Variants in SNAPC3 observed in about 807,000 individuals in gnomAD.
SNAPC3 encodes snRNA-activating protein complex subunit 3.
Under a neutral mutation model 47.7 loss-of-function variants are expected in SNAPC3, and 56 were observed. The ratio of observed to expected loss-of-function variants is 1.18; its 90% CI spans 0.95 to 1.47. SNAPC3 has a LOEUF of 1.47. Among genes scored for constraint, SNAPC3 ranks in the 40% most tolerant of loss-of-function variants. The pLI, the probability that SNAPC3 is intolerant of heterozygous loss-of-function variation, is 0.00. For missense variants in SNAPC3, 665 were observed against 511.3 expected, an observed-to-expected ratio of 1.30 and a Z score of -2.90; for synonymous variants, 235 against 189.9, an observed-to-expected ratio of 1.24 and a Z score of -1.95.
At chr9:15,432,038 C>G (rs540303124) in intron 2 of SNAPC3, 1 of 152,144 alleles carries the variant, frequency 6.6e-6, no homozygotes, top group East Asian at 1.9e-4. Flanking sequence ...GAAGACAGAA[C>G]TGTTTATAAT....
At chr9:15,424,018 A>G in intron 2 of SNAPC3, 32 bp downstream of exon 2, 1 of 1,250,024 alleles carries the variant, frequency 8.0e-7, no homozygotes, top group Non-Finnish European at 1.1e-6. Flanking sequence ...TGACCTATTT[A>G]TTTAAACATT....
chr9:15,449,290 C>T (rs1022855378), intron 5 of SNAPC3, among the ~76,000 whole-genome samples: 19 of 152,030 alleles, frequency 1.2e-4, no homozygotes, highest in African/African-American at 4.3e-4. Flanking sequence ...ATCTGGGAAT[C>T]GGTCTTACCT....
chr9:15,436,801 T>C (rs1488461746), intron 3 of SNAPC3, among the ~76,000 whole-genome samples: 1 of 150,504 alleles, frequency 6.6e-6, no homozygotes, highest in African/African-American at 2.4e-5. Context: ...TTTATTTAGA[T>C]ATTTAATTTC....
chr9:15,447,395 C>T (rs1325029885), intron 5 of SNAPC3, 151 bp downstream of exon 5: 13 of 700,884 alleles, frequency 1.9e-5, no homozygotes, highest in Admixed American at 1.0e-4. Flanking sequence ...CCTTTATCAC[C>T]GGAACTTTTC....
At chr9:15,437,719 A>G (rs2032962216) in intron 3 of SNAPC3, among the ~76,000 whole-genome samples, 1 of 151,884 alleles carries the variant, frequency 6.6e-6, no homozygotes. Flanking sequence ...GAGGATAAAT[A>G]AATTCCACTT....
intron 2 of SNAPC3, among the ~76,000 whole-genome samples, chr9:15,431,339 A>T (rs1563840392): frequency 6.6e-6 from 1 of 152,182 alleles, no homozygotes; most frequent in African/African-American, 2.4e-5. Flanking sequence ...GCTCTTTCTC[A>T]GCCCTAGGGG....
downstream of SNAPC3, chr9:15,465,599 G>C: frequency 4.6e-6 from 7 of 1,535,914 alleles, no homozygotes; most frequent in Non-Finnish European, 6.2e-6. Context: ...AAGGGGGAAA[G>C]GTACAACTGG....
intron 8 of SNAPC3, among the ~76,000 whole-genome samples, chr9:15,458,636 T>C (rs1028306126): frequency 2.0e-5 from 3 of 152,290 alleles, no homozygotes; most frequent in African/African-American, 2.4e-5. Context: ...ATGTTTAGAT[T>C]ATAAGGCATT....
chr9:15,465,559 C>A, downstream of SNAPC3: 1 of 1,580,740 alleles, frequency 6.3e-7, no homozygotes, highest in Non-Finnish European at 8.7e-7. Flanking sequence ...ATATTTCAGT[C>A]TCTCTCTCTT....
At chr9:15,465,927 C>G (rs530152016), downstream of SNAPC3, 8 of 199,186 alleles carry the variant, frequency 4.0e-5, no homozygotes, top group East Asian at 1.0e-3. Context: ...ATTTCAAAAT[C>G]TTAATAAAAA....
At chr9:15,429,091 C>G (rs2031818856) in intron 2 of SNAPC3, among the ~76,000 whole-genome samples, 1 of 152,096 alleles carries the variant, frequency 6.6e-6, no homozygotes, top group African/African-American at 2.4e-5. Flanking sequence ...ATGAAATCAT[C>G]AAGTCTTCTG....
At chr9:15,450,985 C>T (rs986081537) in intron 5 of SNAPC3, among the ~76,000 whole-genome samples, 6 of 152,090 alleles carry the variant, frequency 3.9e-5, no homozygotes, top group Admixed American at 6.5e-5. Flanking sequence ...AAACATAGCT[C>T]GATGATCATT....
At chr9:15,441,157 T>C (rs1416782346) in intron 3 of SNAPC3, among the ~76,000 whole-genome samples, 1 of 151,186 alleles carries the variant, frequency 6.6e-6, no homozygotes, top group Non-Finnish European at 1.5e-5. Context: ...GGGTACTCAT[T>C]GAGCACATTT....
intron 3 of SNAPC3, among the ~76,000 whole-genome samples, chr9:15,434,796 A>G (rs2032589854): frequency 6.6e-6 from 1 of 152,190 alleles, no homozygotes; most frequent in South Asian, 2.1e-4. Context: ...GCTGAATACT[A>G]TCTATTGTAT....
downstream of SNAPC3, chr9:15,461,853 C>G (rs900620529): frequency 6.6e-6 from 1 of 152,146 alleles, no homozygotes; most frequent in African/African-American, 2.4e-5. Context: ...CACAGATAAT[C>G]AGTATAGAGA....
intron 3 of SNAPC3, among the ~76,000 whole-genome samples, chr9:15,437,114 C>T (rs545274014): frequency 1.6e-4 from 24 of 152,198 alleles, no homozygotes; most frequent in African/African-American, 4.8e-4. Context: ...CGTGAGCCAC[C>T]GTGCCCAGCC....
intron 4 of SNAPC3, among the ~76,000 whole-genome samples, 187 bp downstream of exon 4, chr9:15,444,893 A>T (rs1563848647): frequency 6.6e-6 from 1 of 152,152 alleles, no homozygotes; most frequent in South Asian, 2.1e-4. Context: ...GGAGTTTGAG[A>T]CCAACCTGGG....
At chr9:15,454,211 C>T (rs2034603310) in intron 7 of SNAPC3, among the ~76,000 whole-genome samples, 1 of 148,542 alleles carries the variant, frequency 6.7e-6, no homozygotes, top group South Asian at 2.1e-4. Context: ...GCCTGGGTGA[C>T]AGAGTGAGAC....
At chr9:15,463,207 G>A (rs1372639326), downstream of SNAPC3, 1 of 138,468 alleles carries the variant, frequency 7.2e-6, no homozygotes, top group African/African-American at 2.7e-5. Context: ...CTTGGTCATG[G>A]TATGACTCTT....
Sources: allele counts gnomAD v4.1 joint callset (sites outside exome capture counted in the v4.1 genomes callset), GRCh38; gene constraint gnomAD v4.1.1; transcripts MANE v1.5; gene names NCBI Gene and HGNC (gene_info 2026-07-23, HGNC 2026-07-21).